TXNL1: variants seen among roughly 807,000 people sequenced by gnomAD.
TXNL1 encodes the protein thioredoxin like 1, also known as thioredoxin-like protein 1.
In TXNL1, 14 loss-of-function variants were observed where a neutral mutation model predicts 35.5. The ratio of observed to expected loss-of-function variants is 0.39; its 90% CI spans 0.26 to 0.62. TXNL1 has a LOEUF of 0.62. Among genes scored for constraint, TXNL1 ranks in the 20% least tolerant of loss-of-function variants. TXNL1 has a pLI of 0.47. For missense variants in TXNL1, 263 were observed against 349.7 expected (o/e 0.75, Z 1.98); for synonymous variants, 110 against 115.5 (o/e 0.95, Z 0.31).
At position 56,638,558 on chromosome 18, in the gene TXNL1, T is replaced by G; in HGVS notation, c.-118A>C. The G allele has an allele frequency of 3.4e-6, 3 of 881,858 alleles. No individual in the cohort carries two copies. Among genetic ancestry groups the G allele is most frequent in the East Asian group, 4.9e-5 (1 of 20,462 alleles). 54.6% of individuals were successfully genotyped at this position (881,858 alleles called of 1,614,324 possible). ...AAGGCCGAGGCCTGGACAGAAGAGG[T>G]GGCGACCGCCGAGTCTTCTCCCGGG... On this transcript the variant is annotated 5_prime_UTR_variant, in exon 1 of 8. Coordinates refer to ENST00000217515, the MANE Select transcript of TXNL1 (RefSeq NM_004786.3).
intron 5 of TXNL1, 91 bp downstream of exon 5, chr18:56,616,154 C>T: frequency 2.1e-6 from 2 of 954,870 alleles, no homozygotes; most frequent in Non-Finnish European, 3.0e-6. Flanking sequence ...AAAGAAAAAA[C>T]AAGTACCTCT....
intron 3 of TXNL1, among the ~76,000 whole-genome samples, chr18:56,623,825 C>A (rs1455997858): frequency 1.3e-5 from 2 of 149,442 alleles, no homozygotes; most frequent in African/African-American, 4.9e-5. Context: ...AAATACAGTG[C>A]CAGAAAAGAG....
chr18:56,612,015 ATCTTTT>A (rs1385097849), intron 6 of TXNL1, among the ~76,000 whole-genome samples: 1 of 105,478 alleles, frequency 9.5e-6, no homozygotes, highest in Non-Finnish European at 1.8e-5. Context: ...CGCCCGGCTA[ATCTTTT>A]TTTTTTTTTT....
At position 56,631,652 on chromosome 18, in the gene TXNL1, C is replaced by T. The variant is rs148733218; in HGVS notation, c.99-5195G>A. Among the ~76,000 whole-genome samples the T allele has an allele frequency of 2.8e-3, 424 of 152,318 alleles. 6 individuals carry two copies. In the East Asian group the frequency reaches 0.037, roughly 13 times the overall value. On this transcript the variant is annotated intron_variant, in intron 1 of 7. Coordinates refer to ENST00000217515, the MANE Select transcript of TXNL1 (RefSeq NM_004786.3). The stretch of plus-strand genomic sequence containing the variant: ...AAATAAACCCAGCCGGGCGCAGTGG[C>T]TCACGCCTGTAATCCCAGCACTGTG...
chr18:56,609,492 A>C (rs2023956198), intron 7 of TXNL1: 1 of 152,230 alleles, frequency 6.6e-6, no homozygotes, highest in Non-Finnish European at 1.5e-5. Flanking sequence ...AAGGTAAACA[A>C]GATAGAATGG....
rs1455100774 is a variant in TXNL1, at chr18:56,638,582, G to A, written c.-142C>T. 1.2e-5 allele frequency: 10 copies of A among 802,814 alleles called. No individual in the cohort carries two copies. Among genetic ancestry groups the A allele is most frequent in the Non-Finnish European group, 1.7e-5 (9 of 537,010 alleles). The allele number at this position is 802,814 out of a possible 1,614,324, so 49.7% of individuals were successfully genotyped here. ...GTGGCGACCGCCGAGTCTTCTCCCGGGACTCTCAGTGCCGAGTCACGCCAG... is the reference window on the plus strand; with the variant it reads ...GTGGCGACCGCCGAGTCTTCTCCCGAGACTCTCAGTGCCGAGTCACGCCAG... On this transcript the variant is annotated 5_prime_UTR_variant, in exon 1 of 8. Coordinates refer to ENST00000217515, the MANE Select transcript of TXNL1 (RefSeq NM_004786.3).
intron 1 of TXNL1, among the ~76,000 whole-genome samples, chr18:56,631,233 A>C (rs1191457187): frequency 6.6e-6 from 1 of 152,176 alleles, no homozygotes; most frequent in East Asian, 1.9e-4. Flanking sequence ...AGTTGAGAGT[A>C]AACAAATTTC....
intron 3 of TXNL1, among the ~76,000 whole-genome samples, chr18:56,621,943 G>A (rs994211149): frequency 1.3e-5 from 2 of 151,142 alleles, no homozygotes; most frequent in African/African-American, 4.9e-5. Context: ...CAGGGGCCAG[G>A]GGGACGGTGG....
intron 6 of TXNL1, 31 bp from the exon 7 acceptor site, chr18:56,611,128 C>A (rs771313616): frequency 2.9e-6 from 4 of 1,374,728 alleles, no homozygotes; most frequent in African/African-American, 2.9e-5. Context: ...TTTATAATTA[C>A]AATCCTTCTT....
At chr18:56,629,727 C>A (rs2024341374) in intron 1 of TXNL1, among the ~76,000 whole-genome samples, 1 of 152,154 alleles carries the variant, frequency 6.6e-6, no homozygotes, top group Non-Finnish European at 1.5e-5. Flanking sequence ...GTGTTAACTG[C>A]ATTTACACAG....
intron 1 of TXNL1, among the ~76,000 whole-genome samples, chr18:56,630,736 A>G (rs2024357091): frequency 6.6e-6 from 1 of 152,210 alleles, no homozygotes; most frequent in Non-Finnish European, 1.5e-5. Context: ...AACTTTATCT[A>G]GATTCTTTAA....
At chr18:56,615,328 G>C (rs887650759) in intron 5 of TXNL1, among the ~76,000 whole-genome samples, 2 of 147,896 alleles carry the variant, frequency 1.4e-5, no homozygotes, top group African/African-American at 5.0e-5. Context: ...TGAAAATTTA[G>C]CAGAACAAAT....
At chr18:56,620,929 AG>A (rs1431263347) in intron 3 of TXNL1, among the ~76,000 whole-genome samples, 1 of 152,214 alleles carries the variant, frequency 6.6e-6, no homozygotes, top group Non-Finnish European at 1.5e-5. Context: ...AAAGATGGGG[AG>A]GGAAGAAAAA....
chr18:56,602,506 G>C lies in TXNL1; in HGVS notation c.*521C>G, dbSNP rs2023823725. The stretch of plus-strand genomic sequence containing the variant: ...ATTAGCTAAGTTTTAGGTAAGAGTA[G>C]CTAAATCTCATTAAACCTGTTTATT... On this transcript the variant is annotated 3_prime_UTR_variant, in exon 8 of 8. Coordinates refer to ENST00000217515, the MANE Select transcript of TXNL1 (RefSeq NM_004786.3). The C allele has an allele frequency of 6.5e-6, 1 of 152,726 alleles. No homozygotes were observed. The highest frequency in any genetic ancestry group is 2.4e-5 in the African/African-American group (1 of 41,314). The allele number at this position is 152,726 out of a possible 1,614,324, so 9.5% of individuals were successfully genotyped here.
intron 5 of TXNL1, 57 bp from the exon 6 acceptor site, chr18:56,614,653 C>T (rs1487179555): frequency 2.9e-6 from 4 of 1,378,436 alleles, no homozygotes; most frequent in Admixed American, 2.1e-5. Context: ...ACTATACTCC[C>T]TTTACCACTA....
intron 1 of TXNL1, among the ~76,000 whole-genome samples, chr18:56,629,202 T>C (rs2024332343): frequency 6.6e-6 from 1 of 152,160 alleles, no homozygotes; most frequent in African/African-American, 2.4e-5. Context: ...GAAAACAACT[T>C]AAATGGCAAT....
chr18:56,606,243 G>A (rs192461210), intron 7 of TXNL1, among the ~76,000 whole-genome samples: 11 of 152,152 alleles, frequency 7.2e-5, no homozygotes, highest in Middle Eastern at 3.4e-3. Context: ...CAGGCGTAGC[G>A]GCGGGCACCT....
At chr18:56,634,746 G>C (rs1865851918) in intron 1 of TXNL1, among the ~76,000 whole-genome samples, 2 of 152,140 alleles carry the variant, frequency 1.3e-5, no homozygotes, top group East Asian at 3.9e-4. Flanking sequence ...TCATGACATT[G>C]AATCTTGCAA....
chr18:56,609,389 G>A (rs1304372360), intron 7 of TXNL1: 4 of 152,312 alleles, frequency 2.6e-5, no homozygotes, highest in African/African-American at 9.6e-5. Flanking sequence ...AGGGATGTGA[G>A]GGGGATGTTA....
Sources: allele counts gnomAD v4.1 joint callset (sites outside exome capture counted in the v4.1 genomes callset), GRCh38; gene constraint gnomAD v4.1.1; transcripts MANE v1.5; gene names NCBI Gene and HGNC (gene_info 2026-07-23, HGNC 2026-07-21).